ABCC1: variants seen among roughly 807,000 people sequenced by gnomAD.
ABCC1 encodes the protein ATP binding cassette subfamily C member 1 (ABCC1 blood group).
A neutral mutation model predicts 172.9 loss-of-function variants in ABCC1; 83 were observed. The observed-to-expected ratio is 0.48, with a 90% CI of 0.40 to 0.58. ABCC1 has a LOEUF of 0.58. Ranked by LOEUF, ABCC1 falls within the 20% of genes least tolerant of loss-of-function variation. The probability of loss-of-function intolerance (pLI) is 0.00; values close to 1 mark genes in which losing one functional copy is unlikely to be tolerated. For synonymous variants in ABCC1, 937 were observed against 825.2 expected, an observed-to-expected ratio of 1.14 and a Z score of -2.32; for missense variants, 1,817 against 2,002.7, an observed-to-expected ratio of 0.91 and a Z score of 1.77.
In ABCC1 at chr16:16,136,607, C is replaced by T. The variant is rs2045927161; in HGVS notation, c.4255C>T (p.Leu1419=). ...CTTCGTGTCAGCCCTTCCTGACAAG[C>T]TAGACCATGAATGTGCAGAAGGCGG... ...KDFVSALPDK[L]DHECAEGGEN... is the part of the protein sequence containing the mutation. Residue 1419 remains leucine, a synonymous_variant, in exon 29 of 31, where the codon CTA becomes TTA. Transcript: ENST00000399410. 6.2e-7 allele frequency: 1 copy of T among 1,613,994 alleles called. No homozygotes were observed.
intron 1 of ABCC1, among the ~76,000 whole-genome samples, chr16:15,961,124 G>C (rs2046121054): frequency 6.6e-6 from 1 of 151,562 alleles, no homozygotes; most frequent in African/African-American, 2.4e-5. Context: ...GGGATTACAG[G>C]CATGAGGCAC....
At chr16:15,955,627 G>A (rs1422222300) in intron 1 of ABCC1, among the ~76,000 whole-genome samples, 2 of 152,138 alleles carry the variant, frequency 1.3e-5, no homozygotes, top group Non-Finnish European at 2.9e-5. Flanking sequence ...TGCACTTGCT[G>A]TTTCTCCTAC....
intron 7 of ABCC1, among the ~76,000 whole-genome samples, chr16:16,043,222 G>GTTTTTT (rs147161637): frequency 2.5e-4 from 22 of 89,500 alleles, no homozygotes; most frequent in African/African-American, 6.6e-4. Flanking sequence ...TGGCTGGACT[G>GTTTTTT]TTTTTTTTTT....
rs768964318 is a variant in ABCC1, at chr16:16,036,468, C to A, written c.678-4C>A. The A allele has an allele frequency of 6.2e-7, 1 of 1,612,130 alleles. No homozygotes were observed. The highest frequency in any genetic ancestry group is 8.5e-7 in the Non-Finnish European group (1 of 1,179,084). ...TGCCTAACCCCCTTGTGTCTTGGCCCCAGGTTGATTGTCCGGGGCTACCGC... is the reference window on the plus strand; with the variant it reads ...TGCCTAACCCCCTTGTGTCTTGGCCACAGGTTGATTGTCCGGGGCTACCGC... On this transcript the variant is annotated splice_region_variant and splice_polypyrimidine_tract_variant and intron_variant, in intron 6 of 30. Transcript: ENST00000399410.
In ABCC1 at chr16:16,103,958, T is replaced by G. The variant is rs985308930; in HGVS notation, c.2735+1241T>G. ...TTCGGATGTGTTCGGAGTTTCTTCC[T>G]TCTGGTGGGTTCGTGGTCTCGCTGG... On this transcript the variant is annotated intron_variant, in intron 20 of 30. Coordinates refer to ENST00000399410, the MANE Select transcript of ABCC1 (RefSeq NM_004996.4). Among the ~76,000 whole-genome samples, 21 of 152,220 alleles carry G rather than the reference T, an allele frequency of 1.4e-4. No homozygotes were observed. The East Asian group carries it at 1.9e-3, about 14-fold the overall frequency.
intron 1 of ABCC1, among the ~76,000 whole-genome samples, chr16:16,007,105 A>G (rs1027624547): frequency 6.6e-6 from 1 of 152,054 alleles, no homozygotes; most frequent in East Asian, 1.9e-4. Flanking sequence ...GGCTCTCTCC[A>G]TCTTTCGTAC....
intron 21 of ABCC1, 39 bp from the exon 22 acceptor site, chr16:16,111,336 G>T (rs756127168): frequency 1.9e-6 from 3 of 1,583,438 alleles, no homozygotes; most frequent in Admixed American, 1.7e-5. Flanking sequence ...GGCTGGGTGC[G>T]TGCATGTGCT....
intron 19 of ABCC1, among the ~76,000 whole-genome samples, chr16:16,092,699 A>G (rs577888659): frequency 1.2e-4 from 18 of 152,250 alleles, no homozygotes; most frequent in African/African-American, 4.1e-4. Context: ...TTTTAAAGGA[A>G]AAGTTGGTGG....
intron 23 of ABCC1, among the ~76,000 whole-genome samples, chr16:16,119,613 C>G (rs1465485118): frequency 6.6e-6 from 1 of 152,136 alleles, no homozygotes; most frequent in Non-Finnish European, 1.5e-5. Flanking sequence ...ATTGCTTGAA[C>G]CTGGGAGGCA....
chr16:15,997,277 G>C (rs1201229984), intron 1 of ABCC1, among the ~76,000 whole-genome samples: 1 of 152,094 alleles, frequency 6.6e-6, no homozygotes, highest in African/African-American at 2.4e-5. Flanking sequence ...ATTTTTAGTA[G>C]AGACGGGGTT....
Position 16,134,500 on chromosome 16 carries a change from A to G in ABCC1, c.4117A>G (p.Ile1373Val). 1 of 1,614,130 alleles carries G rather than the reference A, an allele frequency of 6.2e-7. No homozygotes were observed. The highest frequency in any genetic ancestry group is 8.5e-7 in the Non-Finnish European group (1 of 1,180,030). The change falls in exon 28 of 31, where the codon ATC becomes GTC. Residue 1373 changes from isoleucine to valine, a missense_variant. By Grantham distance (29) the Ile-to-Val change is conservative. This residue lies in a region of ABCC1 where 1,412 missense variants were observed against 1,600.3 expected (regional missense o/e 0.88). Coordinates refer to ENST00000399410, the MANE Select transcript of ABCC1 (RefSeq NM_004996.4). Reference protein sequence around the residue: ...LHDLRFKITIIPQDPVLFSGS... With the variant: ...LHDLRFKITIVPQDPVLFSGS... Reference sequence around the variant, plus strand: ...CGACCTCCGCTTCAAGATCACCATCATCCCCCAGGTGGGGTCTGGGTGTGG... The same window carrying G: ...CGACCTCCGCTTCAAGATCACCATCGTCCCCCAGGTGGGGTCTGGGTGTGG...
At position 15,985,284 on chromosome 16, in the gene ABCC1, C is replaced by G. The variant is rs1032331143; in HGVS notation, c.49-22532C>G. ...TGGGAGGGCAGAACCCGGGGCTTCACTGGAGGTGCTGTTGGGCTCAGTCTG... is the reference window on the plus strand; with the variant it reads ...TGGGAGGGCAGAACCCGGGGCTTCAGTGGAGGTGCTGTTGGGCTCAGTCTG... On this transcript the variant is annotated intron_variant, in intron 1 of 30. Transcript: ENST00000399410. Among the ~76,000 whole-genome samples, 3 of 152,188 alleles carry G rather than the reference C, an allele frequency of 2.0e-5. No homozygotes were observed. The East Asian group carries it at 5.8e-4, about 29-fold the overall frequency.
At chr16:16,080,965 A>T (rs1330945509) in intron 16 of ABCC1, among the ~76,000 whole-genome samples, 2 of 151,944 alleles carry the variant, frequency 1.3e-5, no homozygotes, top group African/African-American at 4.8e-5. Context: ...CCTGGGTTCA[A>T]CCGATTCTTC....
rs751121803 is a variant in ABCC1, at chr16:16,114,914, C to T, written c.3228C>T (p.Phe1076=). The change falls in exon 23 of 31, where the codon TTC becomes TTT. Residue 1076 remains phenylalanine, a synonymous_variant. Transcript: ENST00000399410. ...CCAGTGGGAACCTGGTGAACCGCTTCTCCAAGGAGCTGGACACAGTGGACT... is the reference window on the plus strand; with the variant it reads ...CCAGTGGGAACCTGGTGAACCGCTTTTCCAAGGAGCTGGACACAGTGGACT... ...RTPSGNLVNR[F]SKELDTVDSM... is the part of the protein sequence containing the mutation. 6 of 1,613,836 alleles carry T rather than the reference C, an allele frequency of 3.7e-6. No individual in the cohort carries two copies. In the East Asian group the frequency reaches 6.7e-5, roughly 18 times the overall value.
rs2051539998 is a variant in ABCC1 at position 16,097,631 on chromosome 16, C to T, written c.2645-4996C>T. 3.9e-5 allele frequency among the ~76,000 whole-genome samples: 6 copies of T among 152,218 alleles called. No individual in the cohort carries two copies. The South Asian group carries it at 1.2e-3, about 32-fold the overall frequency. ...AGAAAATAGGAGTGGATTTCACCCC[C>T]TCTCAGGTCTGCTTTAGAAAGCAGC... On this transcript the variant is annotated intron_variant, in intron 19 of 30. Transcript: ENST00000399410.
chr16:15,952,934 G>A (rs559120399), intron 1 of ABCC1, among the ~76,000 whole-genome samples: 2 of 151,720 alleles, frequency 1.3e-5, no homozygotes, highest in African/African-American at 4.8e-5. Context: ...CGGCTACTAG[G>A]GAGGCTGAGG....
rs761138500 is a variant in ABCC1 at position 16,048,127 on chromosome 16, T to C, written c.1219-15T>C. ...CTGCCACACTCACCCACCTTCCCTC[T>C]CCTTTGTCCCACAGGCCCTGGTGAT... is the stretch of plus-strand genomic sequence containing the variant. On this transcript the variant is annotated splice_polypyrimidine_tract_variant and intron_variant, in intron 9 of 30. Transcript: ENST00000399410. 28 of 1,613,690 alleles carry C rather than the reference T, an allele frequency of 1.7e-5. No individual in the cohort carries two copies. Among genetic ancestry groups the C allele is most frequent in the Non-Finnish European group, 2.3e-5 (27 of 1,179,916 alleles).
intron 12 of ABCC1, among the ~76,000 whole-genome samples, chr16:16,061,310 G>C (rs2151931356): frequency 6.6e-6 from 1 of 152,322 alleles, no homozygotes; most frequent in Non-Finnish European, 1.5e-5. Flanking sequence ...CATACAGCCG[G>C]ACTTCGCACG....
chr16:15,978,819 A>G (rs540019175), intron 1 of ABCC1, among the ~76,000 whole-genome samples: 5 of 152,074 alleles, frequency 3.3e-5, no homozygotes, highest in Non-Finnish European at 7.4e-5. Context: ...TTGTTGTCAC[A>G]GTTTGGGATG....
Sources: gnomAD v4.1 joint callset for allele counts (sites outside exome capture counted in the v4.1 genomes callset) on GRCh38, gnomAD v4.1.1 for gene constraint, gnomAD v4.1.1 regional missense constraint, MANE v1.5 for transcripts, NCBI Gene and HGNC (gene_info 2026-07-23, HGNC 2026-07-21) for gene names.